Variants in PTN observed in about 807,000 individuals in gnomAD.
The protein encoded by PTN is heparin affin regulatory protein.
In PTN, 18 loss-of-function variants were observed where a neutral mutation model predicts 24.1. The ratio of observed to expected loss-of-function variants is 0.75; its 90% CI spans 0.52 to 1.11. The LOEUF (loss-of-function observed/expected upper bound fraction) is 1.11. PTN is among the 50% of genes least tolerant of loss of function. PTN has a pLI of 0.00. For missense variants in PTN, 163 were observed against 198.8 expected (o/e 0.82, Z 1.08); for synonymous variants, 78 against 68.6 (o/e 1.14, Z -0.67).
At chr7:137,300,598 G>A (rs968808606) in intron 1 of PTN, among the ~76,000 whole-genome samples, 3 of 151,922 alleles carry the variant, frequency 2.0e-5, no homozygotes, top group African/African-American at 7.2e-5. Context: ...AAACCTGGAA[G>A]ACATGAGCAG....
intron 1 of PTN, among the ~76,000 whole-genome samples, chr7:137,331,202 ATCTG>A (rs1293276825): frequency 6.6e-6 from 1 of 152,152 alleles, no homozygotes; most frequent in Non-Finnish European, 1.5e-5. Context: ...GGAAATGTGG[ATCTG>A]TCTGTTTAGA....
At chr7:137,326,491 C>T (rs1239202666) in intron 1 of PTN, 2 of 152,154 alleles carry the variant, frequency 1.3e-5, no homozygotes, top group African/African-American at 4.8e-5. Context: ...CTACTTACAC[C>T]AAGGCATCAG....
At chr7:137,304,399 T>C (rs919955666) in intron 1 of PTN, among the ~76,000 whole-genome samples, 55 of 151,978 alleles carry the variant, frequency 3.6e-4, no homozygotes, top group African/African-American at 1.3e-3. Flanking sequence ...AGTGGAAAAA[T>C]GGGAGCAGGC....
At chr7:137,324,433 A>ATATATATATATATATATATAT (rs1554383234) in intron 1 of PTN, among the ~76,000 whole-genome samples, 1 of 88,804 alleles carries the variant, frequency 1.1e-5, no homozygotes, top group African/African-American at 6.9e-5. Context: ...AAAAAAAAAA[A>ATATATATATATATATATATAT]ATATATATAT....
intron 4 of PTN, among the ~76,000 whole-genome samples, chr7:137,234,870 T>C (rs1808492663): frequency 6.6e-6 from 1 of 152,070 alleles, no homozygotes; most frequent in African/African-American, 2.4e-5. Flanking sequence ...CTAAAGTGAC[T>C]CAGGCCCTGT....
intron 1 of PTN, among the ~76,000 whole-genome samples, chr7:137,328,842 C>T (rs922285044): frequency 1.3e-5 from 2 of 152,106 alleles, no homozygotes; most frequent in African/African-American, 4.8e-5. Flanking sequence ...ATCCAAGACA[C>T]GGTAATCTCT....
chr7:137,318,047 A>T (rs1810102563), intron 1 of PTN, among the ~76,000 whole-genome samples: 1 of 152,192 alleles, frequency 6.6e-6, no homozygotes, highest in Non-Finnish European at 1.5e-5. Context: ...TGGGTGGATC[A>T]CTTGAAGCCA....
intron 1 of PTN, among the ~76,000 whole-genome samples, chr7:137,269,984 A>C (rs1809247496): frequency 6.6e-6 from 1 of 151,996 alleles, no homozygotes; most frequent in Admixed American, 6.6e-5. Flanking sequence ...CTATCTTGAC[A>C]CCTCTTTCCA....
rs1414564669 is a variant in PTN, at chr7:137,253,419, G to T, written c.289+45C>A. 17 of 1,500,808 alleles carry T rather than the reference G, an allele frequency of 1.1e-5. No individual in the cohort carries two copies. The African/African-American group carries it at 2.1e-4, about 19-fold the overall frequency. 93.0% of individuals were successfully genotyped at this position (1,500,808 alleles called of 1,614,324 possible). A position where few individuals can be genotyped will look rare whatever the true frequency, so the allele number is the denominator to read the frequency against. ...AAAGACATTTGGTGGAAAAATTTGA[G>T]AATTATCTCAGAGTAGGAGATTAAC... On this transcript the variant is annotated intron_variant, in intron 3 of 4. Transcript: ENST00000348225.
chr7:137,245,608 G>C (rs11772540), intron 4 of PTN, among the ~76,000 whole-genome samples: 22,259 of 150,708 alleles, frequency 0.15, 1,908 homozygotes, highest in East Asian at 0.39. Context: ...CTTCTTCTTA[G>C]TAAAAAAAAA....
chr7:137,277,092 A>G (rs1809373217), intron 1 of PTN, among the ~76,000 whole-genome samples: 1 of 152,242 alleles, frequency 6.6e-6, no homozygotes, highest in African/African-American at 2.4e-5. Flanking sequence ...TTACAAGTCA[A>G]TGGTAATAAG....
At chr7:137,324,433 A>AAAAAAATATATAT in intron 1 of PTN, among the ~76,000 whole-genome samples, 15 of 88,758 alleles carry the variant, frequency 1.7e-4, no homozygotes, top group African/African-American at 1.0e-3. Flanking sequence ...AAAAAAAAAA[A>AAAAAAATATATAT]ATATATATAT....
intron 1 of PTN, among the ~76,000 whole-genome samples, chr7:137,320,546 T>G (rs1051761945): frequency 1.1e-4 from 17 of 152,280 alleles, no homozygotes; most frequent in Admixed American, 3.3e-4. Context: ...ATGGCAAACT[T>G]AAAGCTATTG....
intron 1 of PTN, among the ~76,000 whole-genome samples, chr7:137,296,234 C>T (rs749944972): frequency 6.6e-6 from 1 of 151,868 alleles, no homozygotes; most frequent in Non-Finnish European, 1.5e-5. Context: ...AGTTGTAAAC[C>T]ATATTGCCAT....
intron 1 of PTN, among the ~76,000 whole-genome samples, chr7:137,335,266 A>T (rs1810428100): frequency 6.6e-6 from 1 of 152,048 alleles, no homozygotes; most frequent in Non-Finnish European, 1.5e-5. Flanking sequence ...AGAAGGCAAC[A>T]TTTGGATCAC....
At chr7:137,304,132 CA>C (rs1339915433) in intron 1 of PTN, among the ~76,000 whole-genome samples, 2 of 152,042 alleles carry the variant, frequency 1.3e-5, no homozygotes, top group African/African-American at 4.8e-5. Context: ...AAAAACACTG[CA>C]AATATTGTTA....
At chr7:137,341,707 T>C (rs990007857) in intron 1 of PTN, among the ~76,000 whole-genome samples, 4 of 152,162 alleles carry the variant, frequency 2.6e-5, no homozygotes, top group Non-Finnish European at 5.9e-5. Flanking sequence ...TTCCTTATAG[T>C]GGCTTTTCAC....
At chr7:137,238,026 G>A (rs1808554337) in intron 4 of PTN, among the ~76,000 whole-genome samples, 1 of 152,142 alleles carries the variant, frequency 6.6e-6, no homozygotes, top group Non-Finnish European at 1.5e-5. Flanking sequence ...CTTCCTTCTT[G>A]CTCTTTGGAT....
chr7:137,306,316 A>C (rs947278394), intron 1 of PTN, among the ~76,000 whole-genome samples: 2 of 152,062 alleles, frequency 1.3e-5, no homozygotes, highest in Non-Finnish European at 1.5e-5. Context: ...ATCACATCGG[A>C]TTGCAGAATC....
Sources: allele counts gnomAD v4.1 joint callset (sites outside exome capture counted in the v4.1 genomes callset), GRCh38; gene constraint gnomAD v4.1.1; transcripts MANE v1.5; gene names NCBI Gene and HGNC (gene_info 2026-07-23, HGNC 2026-07-21).